Variants in REDIC1 observed in about 807,000 individuals in gnomAD.
REDIC1 encodes the protein HEI10 Interacting Protein 1.
the REDIC1 span, among the ~76,000 whole-genome samples, chr12:39,685,668 T>C: frequency 6.6e-6 from 1 of 152,152 alleles, no homozygotes; most frequent in Non-Finnish European, 1.5e-5. Flanking sequence ...CCTTCCCATA[T>C]TGCAAAATAC....
At chr12:39,639,293 T>G in the REDIC1 span, among the ~76,000 whole-genome samples, 1 of 152,108 alleles carries the variant, frequency 6.6e-6, no homozygotes, top group East Asian at 1.9e-4. Context: ...TGAGTTCAAA[T>G]AGTCAATTAA....
the REDIC1 span, among the ~76,000 whole-genome samples, chr12:39,714,179 A>G: frequency 3.9e-5 from 5 of 128,128 alleles, 1 homozygote; most frequent in Non-Finnish European, 3.6e-5. Flanking sequence ...ATATGTATAT[A>G]CATGCATATA....
chr12:39,684,784 C>A, the REDIC1 span: 3 of 987,184 alleles, frequency 3.0e-6, no homozygotes, highest in South Asian at 1.5e-5. Flanking sequence ...TGATCTGAAG[C>A]CAAGTTTGGG....
chr12:39,843,877 G>T, the REDIC1 span, among the ~76,000 whole-genome samples: 15 of 151,958 alleles, frequency 9.9e-5, no homozygotes, highest in African/African-American at 3.6e-4. Flanking sequence ...ATATCATCCT[G>T]GTTCTGAGCT....
chr12:39,719,940 GT>G, the REDIC1 span, among the ~76,000 whole-genome samples: 1 of 151,916 alleles, frequency 6.6e-6, no homozygotes, highest in Non-Finnish European at 1.5e-5. Flanking sequence ...ATTTTTCAGT[GT>G]CAATCAGCTA....
chr12:39,830,396 T>C, the REDIC1 span: 1 of 1,359,604 alleles, frequency 7.4e-7, no homozygotes, highest in South Asian at 1.9e-5. Context: ...AGGTGAGAGC[T>C]GGCTGGTCTC....
the REDIC1 span, chr12:39,760,329 A>C: frequency 7.9e-6 from 11 of 1,396,852 alleles, no homozygotes; most frequent in African/African-American, 1.0e-4. Flanking sequence ...CTTGATTTTG[A>C]CTTTTTTTTT....
chr12:39,719,639 A>G, the REDIC1 span, among the ~76,000 whole-genome samples: 2 of 152,078 alleles, frequency 1.3e-5, no homozygotes, highest in Non-Finnish European at 2.9e-5. Context: ...AATCACCAAT[A>G]ACATGTTATC....
At chr12:39,644,609 AT>A in the REDIC1 span, among the ~76,000 whole-genome samples, 5 of 151,552 alleles carry the variant, frequency 3.3e-5, no homozygotes, top group Non-Finnish European at 7.4e-5. Flanking sequence ...TTTCTCCGTC[AT>A]TTTTTTTCTC....
At chr12:39,692,374 A>G in the REDIC1 span, among the ~76,000 whole-genome samples, 1 of 151,960 alleles carries the variant, frequency 6.6e-6, no homozygotes, top group African/African-American at 2.4e-5. Flanking sequence ...TTAAGAAACA[A>G]TACATAATAC....
the REDIC1 span, among the ~76,000 whole-genome samples, chr12:39,711,628 T>C: frequency 2.3e-3 from 115 of 50,356 alleles, 5 homozygotes; most frequent in African/African-American, 4.8e-3. Context: ...TGTATACACG[T>C]ATGTGTATAT....
the REDIC1 span, among the ~76,000 whole-genome samples, chr12:39,817,009 G>C: frequency 6.6e-6 from 1 of 151,924 alleles, no homozygotes; most frequent in Non-Finnish European, 1.5e-5. Flanking sequence ...CCACTTTCAG[G>C]ATACCAAGAA....
the REDIC1 span, among the ~76,000 whole-genome samples, chr12:39,850,771 T>C: frequency 2.0e-5 from 3 of 152,308 alleles, no homozygotes; most frequent in Non-Finnish European, 4.4e-5. Flanking sequence ...AATAACTATA[T>C]TCAATTTCAA....
the REDIC1 span, among the ~76,000 whole-genome samples, chr12:39,900,660 C>T: frequency 2.0e-5 from 3 of 152,110 alleles, no homozygotes; most frequent in African/African-American, 7.2e-5. Flanking sequence ...CAAGGAGAAC[C>T]ACAAACCACT....
chr12:39,705,033 T>C, the REDIC1 span, among the ~76,000 whole-genome samples: 1 of 151,938 alleles, frequency 6.6e-6, no homozygotes, highest in Non-Finnish European at 1.5e-5. Context: ...GTAACTAACC[T>C]GCACAATGTG....
chr12:39,836,594 T>C, the REDIC1 span, among the ~76,000 whole-genome samples: 34 of 149,138 alleles, frequency 2.3e-4, 1 homozygote, highest in South Asian at 1.7e-3. Context: ...AAAACCCCAT[T>C]GTCTCAGCCC....
chr12:39,653,704 A>G, the REDIC1 span, among the ~76,000 whole-genome samples: 6 of 151,818 alleles, frequency 4.0e-5, no homozygotes, highest in African/African-American at 1.5e-4. Context: ...CTCCAGTACA[A>G]TGCTGAATAG....
At chr12:39,713,703 ATATT>A in the REDIC1 span, among the ~76,000 whole-genome samples, 3 of 145,132 alleles carry the variant, frequency 2.1e-5, no homozygotes, top group African/African-American at 8.1e-5. Flanking sequence ...GCGTATATAC[ATATT>A]TATGTATGCC....
the REDIC1 span, among the ~76,000 whole-genome samples, chr12:39,670,079 C>T: frequency 6.6e-6 from 1 of 152,162 alleles, no homozygotes; most frequent in African/African-American, 2.4e-5. Context: ...CCGACACTCC[C>T]CAGTGAGATG....
Sources: allele counts gnomAD v4.1 joint callset (sites outside exome capture counted in the v4.1 genomes callset), GRCh38; gene constraint gnomAD v4.1.1; transcripts MANE v1.5; gene names NCBI Gene and HGNC (gene_info 2026-07-23, HGNC 2026-07-21).